IFI16: variants seen among roughly 807,000 people sequenced by gnomAD.
IFI16 encodes interferon gamma inducible protein 16, also known as gamma-interferon-inducible protein 16.
Under a neutral mutation model 68.4 loss-of-function variants are expected in IFI16, and 49 were observed. That is an observed-to-expected ratio of 0.72 (90% CI 0.57 to 0.91). The LOEUF (loss-of-function observed/expected upper bound fraction) is 0.91. IFI16 is among the 40% of genes least tolerant of loss of function. The probability of loss-of-function intolerance (pLI) is 0.00; values close to 1 mark genes in which losing one functional copy is unlikely to be tolerated. For synonymous variants in IFI16, 307 were observed against 315.0 expected, an observed-to-expected ratio of 0.97 and a Z score of 0.27; for missense variants, 878 against 942.9, an observed-to-expected ratio of 0.93 and a Z score of 0.90.
chr1:159,015,925 C>T lies in IFI16; in HGVS notation c.319C>T (p.Pro107Ser), dbSNP rs551655322. 6.2e-7 allele frequency: 1 copy of T among 1,614,120 alleles called. No homozygotes were observed. The highest frequency in any genetic ancestry group is 1.3e-5 in the African/African-American group (1 of 75,044). The change falls in exon 3 of 12, where the codon CCT (proline) becomes TCT (serine). Residue 107 changes from proline (P) to serine (S), a missense_variant. Around this residue, in one of 4 missense-constraint regions of IFI16, gnomAD observed 443 missense variants for 421.8 expected, o/e 1.05. Coordinates refer to ENST00000295809, the MANE Select transcript of IFI16 (RefSeq NM_001376587.1). Reference protein sequence around the residue: ...KRKKEVDATSPAPSTSSTVKT... With the variant: ...KRKKEVDATSSAPSTSSTVKT... ...GAAGAAGGAAGTGGATGCTACTTCA[C>T]CTGCACCCTCCACAAGCAGCACTGT...
chr1:159,004,081 T>C (rs1374367342), upstream of IFI16, among the ~76,000 whole-genome samples: 2 of 152,220 alleles, frequency 1.3e-5, no homozygotes, highest in African/African-American at 4.8e-5. Flanking sequence ...TGTCAACCCT[T>C]AATCTAAAAC....
At chr1:159,004,630 G>C (rs1021866778), upstream of IFI16, among the ~76,000 whole-genome samples, 3 of 152,076 alleles carry the variant, frequency 2.0e-5, no homozygotes, top group Non-Finnish European at 4.4e-5. Context: ...ACTTGAACCT[G>C]GGAGGCAGAG....
upstream of IFI16, among the ~76,000 whole-genome samples, chr1:159,004,023 G>A (rs1434411409): frequency 6.6e-6 from 1 of 152,168 alleles, no homozygotes; most frequent in Non-Finnish European, 1.5e-5. Context: ...CAAACACATA[G>A]AAGCACTTAT....
chr1:159,003,397 CACTT>C (rs572624948), upstream of IFI16, among the ~76,000 whole-genome samples: 1 of 152,190 alleles, frequency 6.6e-6, no homozygotes, highest in Non-Finnish European at 1.5e-5. Context: ...AATCACATAA[CACTT>C]AAATTACTGC....
chr1:159,054,327 AG>A (rs1184749043), intron 11 of IFI16, among the ~76,000 whole-genome samples: 1 of 152,200 alleles, frequency 6.6e-6, no homozygotes. Flanking sequence ...ACACTAACAA[AG>A]GCTAATATTA....
rs143146387 is a variant in IFI16, at chr1:159,017,021, A to G, written c.549+321A>G. On this transcript the variant is annotated intron_variant, in intron 4 of 11. Coordinates refer to ENST00000295809, the MANE Select transcript of IFI16 (RefSeq NM_001376587.1). ...TTCCCTTGGTTCACTATAGTATTCC[A>G]TGTCAGACCTCTCCAGCACCTGCTA... 8.2e-4 allele frequency among the ~76,000 whole-genome samples: 125 copies of G among 152,258 alleles called. No individual in the cohort carries two copies. In the East Asian group the frequency reaches 0.023, roughly 28 times the overall value.
intron 7 of IFI16, among the ~76,000 whole-genome samples, chr1:159,035,382 A>G (rs183879585): frequency 1.3e-5 from 2 of 152,324 alleles, no homozygotes; most frequent in East Asian, 3.9e-4. Context: ...CCAAACAACT[A>G]TGCTTTTATC....
At chr1:159,025,112 G>C (rs1653573422) in intron 6 of IFI16, among the ~76,000 whole-genome samples, 1 of 152,156 alleles carries the variant, frequency 6.6e-6, no homozygotes, top group African/African-American at 2.4e-5. Context: ...TGAGGGAAAA[G>C]AAAGTGGAAA....
intron 7 of IFI16, among the ~76,000 whole-genome samples, chr1:159,041,648 C>G (rs924343622): frequency 1.3e-5 from 2 of 152,138 alleles, no homozygotes; most frequent in Non-Finnish European, 2.9e-5. Context: ...GCATACAACA[C>G]AGATAGATCC....
At chr1:159,001,937 T>C (rs1162398171), upstream of IFI16, among the ~76,000 whole-genome samples, 1 of 152,224 alleles carries the variant, frequency 6.6e-6, no homozygotes, top group South Asian at 2.1e-4. Context: ...AGAAGTATGG[T>C]CCTGTACCAT....
intron 7 of IFI16, among the ~76,000 whole-genome samples, chr1:159,043,770 C>T (rs1357577437): frequency 2.0e-5 from 3 of 152,194 alleles, no homozygotes; most frequent in Non-Finnish European, 1.5e-5. Flanking sequence ...AAAACAAATG[C>T]TTGCACTTTT....
chr1:159,027,940 G>A (rs12240111), intron 6 of IFI16, among the ~76,000 whole-genome samples: 43,048 of 151,858 alleles, frequency 0.28, 8,207 homozygotes, highest in African/African-American at 0.54. Flanking sequence ...TATGAGTTTT[G>A]TTTATTTTTT....
chr1:159,047,901 G>C (rs1056925310), intron 8 of IFI16, among the ~76,000 whole-genome samples: 2 of 150,474 alleles, frequency 1.3e-5, no homozygotes, highest in African/African-American at 4.9e-5. Context: ...GGGTGGAGGA[G>C]GATTTATTCT....
intron 7 of IFI16, among the ~76,000 whole-genome samples, chr1:159,039,148 T>A (rs1223218168): frequency 1.3e-5 from 2 of 152,166 alleles, no homozygotes; most frequent in African/African-American, 4.8e-5. Flanking sequence ...GAGCCAGGAC[T>A]CAATCACACA....
rs775760066 is a variant in IFI16 at position 159,046,076 on chromosome 1, G to C, written c.1497+612G>C. ...AACTGCCATTCAACCATACAATATA[G>C]ATTTAAATTACTTTATTGTACCAGA... On this transcript the variant is annotated intron_variant, in intron 8 of 11. Transcript: ENST00000295809. Among the ~76,000 whole-genome samples the C allele has an allele frequency of 4.2e-4, 63 of 151,006 alleles. 4 individuals carry two copies. Among genetic ancestry groups the C allele is most frequent in the Non-Finnish European group, 1.6e-4 (11 of 67,576 alleles).
chr1:159,005,296 T>C (rs1235915664), upstream of IFI16, among the ~76,000 whole-genome samples: 1 of 152,178 alleles, frequency 6.6e-6, no homozygotes. Flanking sequence ...TGCATGTCCA[T>C]TACAGGGAGG....
At chr1:159,018,195 AT>A in intron 4 of IFI16, 33 bp from the exon 5 acceptor site, 2 of 1,575,502 alleles carry the variant, frequency 1.3e-6, no homozygotes, top group Non-Finnish European at 1.7e-6. Context: ...TCAATTAGAC[AT>A]TTTTCTTTGT....
At chr1:159,004,762 A>G (rs548167294), upstream of IFI16, among the ~76,000 whole-genome samples, 8 of 152,368 alleles carry the variant, frequency 5.3e-5, no homozygotes, top group Admixed American at 1.3e-4. Flanking sequence ...AGAGAATCTC[A>G]TCTTCAATTT....
At chr1:159,011,941 G>A (rs1305001789) in intron 1 of IFI16, among the ~76,000 whole-genome samples, 1 of 152,016 alleles carries the variant, frequency 6.6e-6, no homozygotes, top group African/African-American at 2.4e-5. Context: ...TAAGACAATT[G>A]CTTTAGTGAA....
Sources: gnomAD v4.1 joint callset for allele counts (sites outside exome capture counted in the v4.1 genomes callset) on GRCh38, gnomAD v4.1.1 for gene constraint, gnomAD v4.1.1 regional missense constraint, MANE v1.5 for transcripts, NCBI Gene and HGNC (gene_info 2026-07-23, HGNC 2026-07-21) for gene names.